Variants in CPXM2 observed in about 807,000 individuals in gnomAD.
CPXM2 encodes the protein inactive carboxypeptidase-like protein X2.
CPXM2 carries 66 observed loss-of-function variants against 86.1 expected under a neutral mutation model. The ratio of observed to expected loss-of-function variants is 0.77; its 90% confidence interval spans 0.63 to 0.94. CPXM2 has a LOEUF of 0.94. Ranked by LOEUF, CPXM2 falls within the 40% of genes least tolerant of loss-of-function variation. The pLI is 0.00. For synonymous variants in CPXM2, 388 were observed against 400.2 expected, an observed-to-expected ratio of 0.97 and a Z score of 0.36; for missense variants, 948 against 1,026.3, an observed-to-expected ratio of 0.92 and a Z score of 1.04.
rs1847877326 is a variant in CPXM2, at chr10:123,819,279, G to A, written c.654-20080C>T. On this transcript the variant is annotated intron_variant, in intron 4 of 13. Transcript: ENST00000241305. ...ACTGTGCCCTGTGATTAGGGTCAAT[G>A]GGAAGCTACAACAGCCCAATCCAGG... 2.0e-5 allele frequency among the ~76,000 whole-genome samples: 3 copies of A among 152,316 alleles called. No individual in the cohort carries two copies. In the South Asian group the frequency reaches 6.2e-4, roughly 32 times the overall value.
At chr10:123,934,337 G>A (rs1167009825) in intron 2 of CPXM2, among the ~76,000 whole-genome samples, 1 of 152,074 alleles carries the variant, frequency 6.6e-6, no homozygotes, top group Admixed American at 6.5e-5. Context: ...CCATAGGTGG[G>A]GATCTGTCCC....
chr10:123,895,420 G>A (rs773567654), upstream of CPXM2, among the ~76,000 whole-genome samples: 58 of 152,242 alleles, frequency 3.8e-4, no homozygotes, highest in Middle Eastern at 3.4e-3. Flanking sequence ...CACCATGCCC[G>A]GCCAAGACAG....
intron 3 of CPXM2, among the ~76,000 whole-genome samples, chr10:123,857,315 C>A (rs542736619): frequency 1.3e-5 from 2 of 152,052 alleles, no homozygotes; most frequent in African/African-American, 4.8e-5. Context: ...TGTAGTAACA[C>A]GGCAAATGTA....
intron 3 of CPXM2, among the ~76,000 whole-genome samples, chr10:123,853,704 A>G (rs1848648187): frequency 6.6e-6 from 1 of 152,212 alleles, no homozygotes; most frequent in Non-Finnish European, 1.5e-5. Flanking sequence ...CAGGAGTTCG[A>G]GACCAGCCCG....
intron 4 of CPXM2, among the ~76,000 whole-genome samples, chr10:123,823,271 G>A (rs537906526): frequency 1.3e-5 from 2 of 152,296 alleles, no homozygotes; most frequent in South Asian, 2.1e-4. Context: ...ATGGACAAGA[G>A]CCATGTAGAG....
At chr10:123,918,957 A>G (rs1945558487) in intron 2 of CPXM2, among the ~76,000 whole-genome samples, 2 of 152,150 alleles carry the variant, frequency 1.3e-5, no homozygotes, top group South Asian at 4.1e-4. Context: ...CCCCAGCTGG[A>G]GCACCAGGAA....
At chr10:123,802,125 G>A (rs1590017310) in intron 4 of CPXM2, among the ~76,000 whole-genome samples, 2 of 152,316 alleles carry the variant, frequency 1.3e-5, no homozygotes, top group South Asian at 4.1e-4. Context: ...GGGAGCAGAG[G>A]CCAGGGCATG....
At chr10:123,776,217 G>A (rs779256040) in intron 7 of CPXM2, among the ~76,000 whole-genome samples, 1 of 152,294 alleles carries the variant, frequency 6.6e-6, no homozygotes, top group East Asian at 1.9e-4. Context: ...AGGAGGATGA[G>A]TAAGAAAAGA....
chr10:123,832,047 C>T (rs376587006), intron 4 of CPXM2, among the ~76,000 whole-genome samples: 1 of 151,794 alleles, frequency 6.6e-6, no homozygotes, highest in Non-Finnish European at 1.5e-5. Context: ...CCATGGGCCC[C>T]TTCCTCCAAA....
At chr10:123,747,111 G>A (rs1845985850) in intron 13 of CPXM2, 94 bp from the exon 14 acceptor site, 3 of 1,450,108 alleles carry the variant, frequency 2.1e-6, no homozygotes, top group Admixed American at 4.3e-5. Context: ...GGGCCAGAGA[G>A]AGACTCTCAG....
intron 10 of CPXM2, among the ~76,000 whole-genome samples, chr10:123,762,524 C>T (rs895699389): frequency 2.0e-5 from 3 of 151,932 alleles, no homozygotes; most frequent in African/African-American, 7.3e-5. Flanking sequence ...TTAGAGATAC[C>T]TACTGAAATC....
At chr10:123,943,870 G>T (rs1193656082), upstream of CPXM2, among the ~76,000 whole-genome samples, 1 of 152,174 alleles carries the variant, frequency 6.6e-6, no homozygotes, top group Non-Finnish European at 1.5e-5. Context: ...CTGCCCCATG[G>T]AATAGAAGGG....
At chr10:123,879,432 C>G (rs1006530403) in intron 2 of CPXM2, among the ~76,000 whole-genome samples, 1 of 152,146 alleles carries the variant, frequency 6.6e-6, no homozygotes, top group Non-Finnish European at 1.5e-5. Flanking sequence ...GTAAACTATG[C>G]ACATTCCCAT....
At chr10:123,882,827 C>T (rs1395989932) in intron 1 of CPXM2, among the ~76,000 whole-genome samples, 2 of 149,246 alleles carry the variant, frequency 1.3e-5, no homozygotes, top group East Asian at 4.0e-4. Flanking sequence ...CCCAACTCCA[C>T]AGCCTGGGCA....
Position 123,885,023 on chromosome 10 carries a change from G to A in CPXM2, c.305-4714C>T, listed in dbSNP as rs1469724029. On this transcript the variant is annotated intron_variant, in intron 1 of 13. Coordinates refer to ENST00000241305, the MANE Select transcript of CPXM2 (RefSeq NM_198148.3). The surrounding 1 kb of genome is among the most constrained non-coding windows in gnomAD (Gnocchi z 4.0). Reference sequence around the variant, plus strand: ...GTGTGCAGACACTGTGCAGGGAGCTGTTGGTACCTGCCAGTCTCATCTTAG... The same window carrying A: ...GTGTGCAGACACTGTGCAGGGAGCTATTGGTACCTGCCAGTCTCATCTTAG... Among the ~76,000 whole-genome samples the A allele has an allele frequency of 6.6e-6, 1 of 152,262 alleles. No individual in the cohort carries two copies. The highest frequency in any genetic ancestry group is 2.4e-5 in the African/African-American group (1 of 41,468).
chr10:123,922,369 T>C (rs2134279639), intron 2 of CPXM2, among the ~76,000 whole-genome samples: 1 of 152,312 alleles, frequency 6.6e-6, no homozygotes, highest in East Asian at 1.9e-4. Flanking sequence ...GGCAAACATA[T>C]AAAGTTCAAT....
At chr10:123,791,746 T>C (rs925153881) in intron 6 of CPXM2, among the ~76,000 whole-genome samples, 1 of 152,234 alleles carries the variant, frequency 6.6e-6, no homozygotes, top group Non-Finnish European at 1.5e-5. Context: ...CTCCTCTTGA[T>C]TGATTATATC....
intron 4 of CPXM2, among the ~76,000 whole-genome samples, chr10:123,802,463 G>A (rs1003916436): frequency 9.9e-5 from 15 of 152,094 alleles, no homozygotes; most frequent in Non-Finnish European, 1.8e-4. Flanking sequence ...AATTCTTATC[G>A]TTGCTTATAA....
intron 4 of CPXM2, among the ~76,000 whole-genome samples, chr10:123,841,842 C>A (rs1404447402): frequency 4.6e-5 from 7 of 152,164 alleles, no homozygotes; most frequent in Non-Finnish European, 8.8e-5. Context: ...AGAAATGAGA[C>A]CCCTTCTCAT....
Sources: allele counts gnomAD v4.1 joint callset (sites outside exome capture counted in the v4.1 genomes callset), GRCh38; gene constraint gnomAD v4.1.1; non-coding constraint Gnocchi (gnomAD v3.1); transcripts MANE v1.5; gene names NCBI Gene and HGNC (gene_info 2026-07-23, HGNC 2026-07-21).